CCSER1: variants seen among roughly 807,000 people sequenced by gnomAD.
CCSER1 encodes serine-rich coiled-coil domain-containing protein 1.
CCSER1 carries 41 observed loss-of-function variants against 82.0 expected under a neutral mutation model. The ratio of observed to expected loss-of-function variants is 0.50; its 90% CI spans 0.39 to 0.65. The LOEUF (loss-of-function observed/expected upper bound fraction) is 0.65. Among genes scored for constraint, CCSER1 ranks in the 30% least tolerant of loss-of-function variants. CCSER1 has a pLI of 0.00. For missense variants in CCSER1, 1,119 were observed against 1,064.2 expected (o/e 1.05, Z -0.72); for synonymous variants, 414 against 383.9 (o/e 1.08, Z -0.92).
intron 10 of CCSER1, among the ~76,000 whole-genome samples, chr4:91,597,129 A>G (rs896484134): frequency 6.6e-6 from 1 of 152,018 alleles, no homozygotes; most frequent in African/African-American, 2.4e-5. Context: ...TACTCGAGGA[A>G]GAAGGAACTG....
intron 10 of CCSER1, among the ~76,000 whole-genome samples, chr4:91,462,525 G>A (rs539513629): frequency 2.0e-5 from 3 of 152,164 alleles, no homozygotes; most frequent in South Asian, 2.1e-4. Context: ...GACAGTGGGG[G>A]CAGCCCACCG....
chr4:91,450,054 A>G (rs1578487845), intron 10 of CCSER1, among the ~76,000 whole-genome samples: 1 of 152,032 alleles, frequency 6.6e-6, no homozygotes, highest in African/African-American at 2.4e-5. Flanking sequence ...CTACATTGCT[A>G]TGAACTGGGT....
intron 4 of CCSER1, among the ~76,000 whole-genome samples, chr4:90,454,599 T>A (rs1303228167): frequency 1.3e-5 from 2 of 152,170 alleles, no homozygotes; most frequent in African/African-American, 4.8e-5. Context: ...CATTTCATCA[T>A]TGATGTCCCA....
chr4:90,917,149 G>A (rs1336075907), intron 8 of CCSER1, among the ~76,000 whole-genome samples: 3 of 152,180 alleles, frequency 2.0e-5, no homozygotes, highest in African/African-American at 7.2e-5. Flanking sequence ...ATTTGACCCA[G>A]CCATCCCATT....
chr4:90,399,849 T>A (rs1248922885), intron 3 of CCSER1, among the ~76,000 whole-genome samples, 187 bp from the exon 4 acceptor site: 1 of 152,128 alleles, frequency 6.6e-6, no homozygotes, highest in Non-Finnish European at 1.5e-5. Flanking sequence ...GGTTTTAGAA[T>A]AAGTCTTGGA....
At chr4:90,491,948 T>C (rs553071242) in intron 5 of CCSER1, among the ~76,000 whole-genome samples, 1 of 152,346 alleles carries the variant, frequency 6.6e-6, no homozygotes, top group Non-Finnish European at 1.5e-5. Context: ...TTTGCATCGA[T>C]GTTCATTAGG....
At chr4:90,613,202 A>T (rs1720579374) in intron 5 of CCSER1, among the ~76,000 whole-genome samples, 2 of 152,182 alleles carry the variant, frequency 1.3e-5, no homozygotes, top group African/African-American at 2.4e-5. Context: ...AAAACTGGTT[A>T]TTGGAAGGAT....
At chr4:90,799,766 C>A (rs759441728) in intron 7 of CCSER1, among the ~76,000 whole-genome samples, 1 of 152,232 alleles carries the variant, frequency 6.6e-6, no homozygotes, top group Non-Finnish European at 1.5e-5. Flanking sequence ...CATGCTCCCA[C>A]ATAAAAACCT....
chr4:91,430,060 C>G (rs72656194), intron 10 of CCSER1, among the ~76,000 whole-genome samples: 26,270 of 151,832 alleles, frequency 0.17, 3,408 homozygotes, highest in African/African-American at 0.37. Flanking sequence ...ACAAATACAT[C>G]TTATGTTGGA....
intron 7 of CCSER1, among the ~76,000 whole-genome samples, chr4:90,805,222 G>T (rs1042662151): frequency 1.3e-5 from 2 of 152,136 alleles, no homozygotes; most frequent in African/African-American, 4.8e-5. Context: ...TTCTAGCCTT[G>T]TGTTTCTCAG....
intron 1 of CCSER1, among the ~76,000 whole-genome samples, chr4:90,136,992 G>A (rs760370117): frequency 5.3e-5 from 8 of 152,116 alleles, no homozygotes; most frequent in Non-Finnish European, 1.0e-4. Flanking sequence ...ACCCCACTGA[G>A]TTTGTACAAT....
At chr4:90,824,358 C>T (rs1001105746) in intron 8 of CCSER1, among the ~76,000 whole-genome samples, 1 of 151,774 alleles carries the variant, frequency 6.6e-6, no homozygotes, top group East Asian at 1.9e-4. Flanking sequence ...AATAAAGGCA[C>T]TTGTAGAAAT....
At chr4:91,348,199 G>T (rs924623838) in intron 10 of CCSER1, among the ~76,000 whole-genome samples, 16 of 151,892 alleles carry the variant, frequency 1.1e-4, no homozygotes, top group African/African-American at 3.1e-4. Context: ...ATGAGAATTG[G>T]TTTTTTTAGA....
chr4:91,437,195 A>G (rs536752544), intron 10 of CCSER1, among the ~76,000 whole-genome samples: 3 of 152,332 alleles, frequency 2.0e-5, no homozygotes, highest in African/African-American at 4.8e-5. Flanking sequence ...TAAAACTTGT[A>G]TTTTTGGTGC....
intron 3 of CCSER1, among the ~76,000 whole-genome samples, chr4:90,315,483 T>C (rs574948567): frequency 6.6e-6 from 1 of 152,284 alleles, no homozygotes; most frequent in South Asian, 2.1e-4. Context: ...TCAGTTACTT[T>C]ACAGTTTATT....
At chr4:90,299,380 A>G (rs1732657294) in intron 1 of CCSER1, among the ~76,000 whole-genome samples, 1 of 152,134 alleles carries the variant, frequency 6.6e-6, no homozygotes. Flanking sequence ...TTTGGTTATT[A>G]TGTTTATTTG....
chr4:90,297,848 T>G (rs1732286228), intron 1 of CCSER1, among the ~76,000 whole-genome samples: 1 of 152,074 alleles, frequency 6.6e-6, no homozygotes, highest in African/African-American at 2.4e-5. Context: ...TGAAGCCCAC[T>G]TGATCATGGT....
At chr4:90,144,549 T>G (rs62313890) in intron 1 of CCSER1, among the ~76,000 whole-genome samples, 45,219 of 152,000 alleles carry the variant, frequency 0.3, 8,041 homozygotes, top group Non-Finnish European at 0.41. Context: ...CTGAGTAAAC[T>G]CCTGTTTAAG....
chr4:91,536,248 C>T (rs1475950106), intron 10 of CCSER1, among the ~76,000 whole-genome samples: 4 of 152,050 alleles, frequency 2.6e-5, no homozygotes, highest in African/African-American at 9.7e-5. Flanking sequence ...AACTTTATGG[C>T]AACTTTTGAA....
Sources: gnomAD v4.1 joint callset for allele counts (sites outside exome capture counted in the v4.1 genomes callset) on GRCh38, gnomAD v4.1.1 for gene constraint, MANE v1.5 for transcripts, NCBI Gene and HGNC (gene_info 2026-07-23, HGNC 2026-07-21) for gene names.